Variants in C19orf38 observed in about 807,000 individuals in gnomAD.
C19orf38 encodes the protein chromosome 19 open reading frame 38.
C19orf38 carries 14 observed loss-of-function variants against 26.6 expected under a neutral mutation model. That is an observed-to-expected ratio of 0.53 (90% CI 0.35 to 0.82). The LOEUF (loss-of-function observed/expected upper bound fraction) is 0.82, where lower values mean the gene tolerates loss of function less well. Ranked by LOEUF, C19orf38 falls within the 40% of genes least tolerant of loss-of-function variation. The probability of loss-of-function intolerance (pLI) is 0.01; values close to 1 mark genes in which losing one functional copy is unlikely to be tolerated. For synonymous variants in C19orf38, 132 were observed against 128.5 expected (o/e 1.03, Z -0.18); for missense variants, 261 against 299.5 (o/e 0.87, Z 0.95).
chr19:10,841,715 G>A (rs549835478), intron 1 of C19orf38: 74 of 631,046 alleles, frequency 1.2e-4, no homozygotes, highest in Non-Finnish European at 2.0e-4. Context: ...GCTCACGCCT[G>A]TAATCCCAGC....
intron 6 of C19orf38, among the ~76,000 whole-genome samples, chr19:10,865,597 A>G (rs576552625): frequency 4.6e-5 from 7 of 152,040 alleles, no homozygotes; most frequent in Non-Finnish European, 1.0e-4. Context: ...GCATCACTGC[A>G]CTCCAGCCTG....
At chr19:10,857,339 C>CATACATATAT (rs1555721097) in intron 3 of C19orf38, among the ~76,000 whole-genome samples, 2 of 54,014 alleles carry the variant, frequency 3.7e-5, no homozygotes, top group East Asian at 1.3e-3. Context: ...CACACACATA[C>CATACATATAT]ATATATATAT....
intron 4 of C19orf38, among the ~76,000 whole-genome samples, chr19:10,859,330 ATGTG>A (rs35222384): frequency 9.3e-5 from 6 of 64,788 alleles, no homozygotes; most frequent in Non-Finnish European, 1.6e-4. Context: ...GTGTGTATGT[ATGTG>A]TGTGTGTGTG....
At chr19:10,838,592 T>C (rs535058722) in intron 1 of C19orf38, among the ~76,000 whole-genome samples, 8 of 152,190 alleles carry the variant, frequency 5.3e-5, no homozygotes, top group South Asian at 2.1e-4. Context: ...CCGGGGTCGT[T>C]GTCTCACAGC....
At position 10,859,384 on chromosome 19, in the gene C19orf38, A is replaced by G. The variant is rs1345087333; in HGVS notation, c.462-531A>G. Among the ~76,000 whole-genome samples the G allele has an allele frequency of 7.1e-3, 150 of 21,040 alleles. 4 individuals carry two copies. Among genetic ancestry groups the G allele is most frequent in the African/African-American group, 0.024 (144 of 5,936 alleles). 13.8% of individuals were successfully genotyped at this position (21,040 alleles called of 152,430 possible). On this transcript the variant is annotated intron_variant, in intron 4 of 6. Coordinates refer to ENST00000397820, the MANE Select transcript of C19orf38 (RefSeq NM_001136482.3). Reference sequence around the variant, plus strand: ...TATATATATATATATATATATATATATTTTTTTTTTTTTTTTTAGACGGAG... The same window carrying G: ...TATATATATATATATATATATATATGTTTTTTTTTTTTTTTTTAGACGGAG...
intron 2 of C19orf38, among the ~76,000 whole-genome samples, chr19:10,854,360 G>A (rs1383092475): frequency 2.0e-5 from 3 of 152,006 alleles, no homozygotes; most frequent in Non-Finnish European, 4.4e-5. Context: ...CACCGCGCCT[G>A]GCCCAAAAAA....
chr19:10,842,726 G>A (rs2073487535), intron 1 of C19orf38, among the ~76,000 whole-genome samples: 1 of 151,898 alleles, frequency 6.6e-6, no homozygotes. Flanking sequence ...AACAGAGAGA[G>A]ACCCTGTCTC....
intron 1 of C19orf38, 39 bp downstream of exon 1, chr19:10,848,578 TCC>T (rs138730301): frequency 7.8e-7 from 1 of 1,277,028 alleles, no homozygotes; most frequent in Non-Finnish European, 1.0e-6. Context: ...CCCACGCCTT[TCC>T]CCCCATCCTC....
rs1702791112 is a variant in C19orf38 at position 10,863,157 on chromosome 19, C to G, written c.506-13C>G. The G allele has an allele frequency of 6.4e-7, 1 of 1,551,118 alleles. No individual in the cohort carries two copies. On this transcript the variant is annotated splice_polypyrimidine_tract_variant and intron_variant, in intron 5 of 6. Transcript: ENST00000397820. ...GCCCCCAATCCTGGGTTTTCTTTCT[C>G]TTTCTGTTTCAGACATGTCCTTCGA... is the stretch of plus-strand genomic sequence containing the variant.
At position 10,859,346 on chromosome 19, in the gene C19orf38, GTGTATATATATATA is replaced by G. The variant is rs1165598878; in HGVS notation, c.462-567_462-554del. 1.6e-3 allele frequency among the ~76,000 whole-genome samples: 71 copies of G among 44,094 alleles called. 4 individuals are homozygous for G. The East Asian group carries it at 0.033, about 21-fold the overall frequency. 28.9% of individuals were successfully genotyped at this position (44,094 alleles called of 152,430 possible). A position where few individuals can be genotyped will look rare whatever the true frequency, so the allele number is the denominator to read the frequency against. The stretch of plus-strand genomic sequence containing the variant: ...TGTGTATGTATGTGTGTGTGTGTGT[GTGTATATATATATA>G]TATATATATATATATATATATATAT... On this transcript the variant is annotated intron_variant, in intron 4 of 6. Transcript: ENST00000397820.
chr19:10,844,554 A>G (rs2073501888), upstream of C19orf38, among the ~76,000 whole-genome samples: 1 of 151,690 alleles, frequency 6.6e-6, no homozygotes, highest in South Asian at 2.1e-4. Context: ...CTGTTTAAAA[A>G]AAAAAAAGAA....
At chr19:10,843,453 G>A (rs941962998), upstream of C19orf38, among the ~76,000 whole-genome samples, 2 of 152,194 alleles carry the variant, frequency 1.3e-5, no homozygotes, top group Non-Finnish European at 1.5e-5. Context: ...GAGCCCCCTC[G>A]GCCACTGCCT....
chr19:10,863,095 A>G, intron 5 of C19orf38, 75 bp from the exon 6 acceptor site: 1 of 1,442,538 alleles, frequency 6.9e-7, no homozygotes, highest in Non-Finnish European at 9.5e-7. Flanking sequence ...GCTGGGGGGC[A>G]GTGCGGGGAT....
chr19:10,844,765 G>A (rs955515822), upstream of C19orf38, among the ~76,000 whole-genome samples: 32 of 149,384 alleles, frequency 2.1e-4, no homozygotes, highest in African/African-American at 6.4e-4. Context: ...GGAGAATGGC[G>A]TGAACCCAGG....
chr19:10,866,005 A>G (rs1451653551), intron 6 of C19orf38, among the ~76,000 whole-genome samples: 1 of 150,148 alleles, frequency 6.7e-6, no homozygotes, highest in Non-Finnish European at 1.5e-5. Context: ...ATATTTATTT[A>G]TTTATTTTTC....
chr19:10,858,551 A>G (rs2073655780), intron 4 of C19orf38, among the ~76,000 whole-genome samples: 2 of 152,150 alleles, frequency 1.3e-5, no homozygotes, highest in African/African-American at 2.4e-5. Context: ...TCCTTATGGC[A>G]GCCCTGGAAA....
chr19:10,859,526 G>A (rs2073675599), intron 4 of C19orf38, among the ~76,000 whole-genome samples: 1 of 151,064 alleles, frequency 6.6e-6, no homozygotes, highest in African/African-American at 2.4e-5. Flanking sequence ...GGGACTACAG[G>A]CACATGCCAC....
At chr19:10,853,875 C>T (rs1381194042) in intron 2 of C19orf38, among the ~76,000 whole-genome samples, 2 of 149,598 alleles carry the variant, frequency 1.3e-5, no homozygotes, top group African/African-American at 4.9e-5. Flanking sequence ...AGATTACAGG[C>T]GTGAGCTACC....
At position 10,869,325 on chromosome 19, in the gene C19orf38, G is replaced by A. The variant is rs1314850553; in HGVS notation, c.651G>A (p.Ser217=). The A allele has an allele frequency of 8.4e-6, 13 of 1,551,316 alleles. No homozygotes were observed. The highest frequency in any genetic ancestry group is 1.0e-5 in the Non-Finnish European group (12 of 1,146,948). Residue 217 remains serine, a synonymous_variant, in exon 7 of 7, where the codon TCG becomes TCA. Transcript: ENST00000397820. ...TRKRPTSTSS[S]PETPEFSTFR... ...AGAGGCCCACTTCCACGTCCTCCTCGCCTGAGACCCCCGAATTCAGCACTT... is the reference window on the plus strand; with the variant it reads ...AGAGGCCCACTTCCACGTCCTCCTCACCTGAGACCCCCGAATTCAGCACTT...
Sources: gnomAD v4.1 joint callset for allele counts (sites outside exome capture counted in the v4.1 genomes callset) on GRCh38, gnomAD v4.1.1 for gene constraint, MANE v1.5 for transcripts, NCBI Gene and HGNC (gene_info 2026-07-23, HGNC 2026-07-21) for gene names.